The following CNIH1 variants were observed in gnomAD, a reference collection of about 807,000 sequenced individuals.
CNIH1 encodes cornichon family member 1.
CNIH1 carries 12 observed loss-of-function variants against 20.2 expected under a neutral mutation model. The observed-to-expected ratio is 0.59, with a 90% CI of 0.38 to 0.96. CNIH1 has a LOEUF of 0.96. CNIH1 is among the 40% of genes least tolerant of loss of function. The pLI, the probability that CNIH1 is intolerant of heterozygous loss-of-function variation, is 0.00. For synonymous variants in CNIH1, 69 were observed against 63.3 expected (o/e 1.09, Z -0.43); for missense variants, 152 against 178.8 (o/e 0.85, Z 0.85).
rs559991988 is a variant in CNIH1 at position 54,429,086 on chromosome 14, G to GTTTATTTTTTTT, written c.407+1174_407+1175insAAAAAAAATAAA. On this transcript the variant is annotated intron_variant, in intron 4 of 4. Transcript: ENST00000216416. ...GTATGTATTAATAAAAAATGAGAAAGTATTTTATATAAGTGATGTGTAAAA... is the reference window on the plus strand; with the variant it reads ...GTATGTATTAATAAAAAATGAGAAAGTTTATTTTTTTTTATTTTATATAAGTGATGTGTAAAA... Among the ~76,000 whole-genome samples the GTTTATTTTTTTT allele has an allele frequency of 1.8e-3, 271 of 152,256 alleles. 9 individuals are homozygous for GTTTATTTTTTTT. The South Asian group carries it at 0.054, about 30-fold the overall frequency.
chr14:54,437,707 G>A (rs1292627477), intron 1 of CNIH1, among the ~76,000 whole-genome samples: 1 of 151,752 alleles, frequency 6.6e-6, no homozygotes, highest in Non-Finnish European at 1.5e-5. Flanking sequence ...ACTCACCAGG[G>A]GGATTTCCCT....
At position 54,436,362 on chromosome 14, in the gene CNIH1, A is replaced by G. The variant is rs938483479; in HGVS notation, c.150+7T>C. ...AATCTAAAGATAAATCCTATATTAT[A>G]ACTTACGGGATTCAGGGTATTACAC... On this transcript the variant is annotated splice_region_variant and intron_variant, in intron 2 of 4. Transcript: ENST00000216416. 6.9e-7 allele frequency: 1 copy of G among 1,452,442 alleles called. No homozygotes were observed. 90.0% of individuals were successfully genotyped at this position (1,452,442 alleles called of 1,614,324 possible).
In CNIH1 at chr14:54,425,346, G is replaced by C. The variant is rs1002580705; in HGVS notation, c.*2468C>G. ...TTCCTAGAGCTAGAAAGCTTTTAAA[G>C]ATAAAGCACATAATACCAAAAGTAA... On this transcript the variant is annotated 3_prime_UTR_variant, in exon 5 of 5. Coordinates refer to ENST00000216416, the MANE Select transcript of CNIH1 (RefSeq NM_005776.3). The C allele has an allele frequency of 6.6e-6, 1 of 150,522 alleles. No homozygotes were observed. Among genetic ancestry groups the C allele is most frequent in the African/African-American group, 2.4e-5 (1 of 40,856 alleles). 9.3% of individuals were successfully genotyped at this position (150,522 alleles called of 1,614,324 possible).
In CNIH1 at chr14:54,426,535, GATTT is replaced by G. The variant is rs1347271100; in HGVS notation, c.*1275_*1278del. 1 of 151,918 alleles carries G rather than the reference GATTT, an allele frequency of 6.6e-6. No individual in the cohort carries two copies. Among genetic ancestry groups the G allele is most frequent in the African/African-American group, 2.4e-5 (1 of 41,336 alleles). The allele number at this position is 151,918 out of a possible 1,614,324, so 9.4% of individuals were successfully genotyped here. On this transcript the variant is annotated 3_prime_UTR_variant, in exon 5 of 5. Transcript: ENST00000216416. The stretch of plus-strand genomic sequence containing the variant: ...CTTCCTCATCCCAAATAAAGCACAA[GATTT>G]ATTTATGCTTATGAAAACATGCAAG...
At chr14:54,437,297 T>C (rs1048947486) in intron 1 of CNIH1, among the ~76,000 whole-genome samples, 6 of 152,226 alleles carry the variant, frequency 3.9e-5, no homozygotes, top group East Asian at 1.9e-4. Context: ...CAAACTAAGC[T>C]ACCCTTCCCT....
At chr14:54,428,122 CAA>C (rs1300463750) in intron 4 of CNIH1, among the ~76,000 whole-genome samples, 2 of 152,100 alleles carry the variant, frequency 1.3e-5, no homozygotes, top group African/African-American at 4.8e-5. Flanking sequence ...AGAAGCCATC[CAA>C]ACATCACACA....
Position 54,441,108 on chromosome 14 carries a change from C to A in CNIH1, c.81+139G>T, listed in dbSNP as rs2031164145. 5.5e-6 allele frequency: 5 copies of A among 915,398 alleles called. No homozygotes were observed. In the East Asian group the frequency reaches 2.3e-4, roughly 43 times the overall value. 56.7% of individuals were successfully genotyped at this position (915,398 alleles called of 1,614,324 possible). A position where few individuals can be genotyped will look rare whatever the true frequency, so the allele number is the denominator to read the frequency against. ...CAGTACCCGCGGCCCCCAGACCCCT[C>A]GCCGCGCGGCCCGTGCCAGCCGGGC... is the stretch of plus-strand genomic sequence containing the variant. On this transcript the variant is annotated intron_variant, in intron 1 of 4. Transcript: ENST00000216416.
intron 4 of CNIH1, among the ~76,000 whole-genome samples, chr14:54,429,645 G>C (rs1335585984): frequency 6.6e-6 from 1 of 152,282 alleles, no homozygotes; most frequent in Non-Finnish European, 1.5e-5. Context: ...TGTAATCCCA[G>C]CTACTCAGGA....
intron 2 of CNIH1, among the ~76,000 whole-genome samples, chr14:54,433,190 C>A (rs2030983922): frequency 6.6e-6 from 1 of 152,136 alleles, no homozygotes; most frequent in Admixed American, 6.6e-5. Context: ...TCCTGTAAGT[C>A]ACAGCTACAA....
intron 2 of CNIH1, among the ~76,000 whole-genome samples, chr14:54,432,880 C>T (rs2030977348): frequency 6.6e-6 from 1 of 152,112 alleles, no homozygotes; most frequent in South Asian, 2.1e-4. Flanking sequence ...TAAGATTTTC[C>T]AGGTTCCCAA....
In CNIH1 at chr14:54,430,483, C is replaced by T. The variant is rs2030912375; in HGVS notation, c.264-79G>A. On this transcript the variant is annotated intron_variant, in intron 3 of 4. Coordinates refer to ENST00000216416, the MANE Select transcript of CNIH1 (RefSeq NM_005776.3). ...AAGAAAGCAGGTCTTTCTTCTAAAACATCTGTTACGAGAGGTGGTCCATAA... is the reference window on the plus strand; with the variant it reads ...AAGAAAGCAGGTCTTTCTTCTAAAATATCTGTTACGAGAGGTGGTCCATAA... The T allele has an allele frequency of 4.3e-6, 6 of 1,388,304 alleles. No homozygotes were observed. In the East Asian group the frequency reaches 1.4e-4, roughly 32 times the overall value. The allele number at this position is 1,388,304 out of a possible 1,614,324, so 86.0% of individuals were successfully genotyped here. A position where few individuals can be genotyped will look rare whatever the true frequency, so the allele number is the denominator to read the frequency against.
At chr14:54,434,799 A>T (rs1255644416) in intron 2 of CNIH1, among the ~76,000 whole-genome samples, 1 of 152,206 alleles carries the variant, frequency 6.6e-6, no homozygotes, top group Non-Finnish European at 1.5e-5. Context: ...AAGATGTTTT[A>T]AAATTAACAC....
intron 1 of CNIH1, among the ~76,000 whole-genome samples, chr14:54,437,695 G>C (rs2031082520): frequency 6.6e-6 from 1 of 150,614 alleles, no homozygotes; most frequent in Non-Finnish European, 1.5e-5. Flanking sequence ...AAAAAATGCA[G>C]AACTCACCAG....
Position 54,432,157 on chromosome 14 carries a change from A to T in CNIH1, c.214T>A (p.Trp72Arg). The T allele has an allele frequency of 6.4e-7, 1 of 1,571,104 alleles. No individual in the cohort carries two copies. The highest frequency in any genetic ancestry group is 8.6e-7 in the Non-Finnish European group (1 of 1,157,238). ...GGCATATTGAGACCCAGTGTAAGCC[A>T]CTCTGCTGCACAAAGAAACATGACA... is the stretch of plus-strand genomic sequence containing the variant. ...FCVMFLCAAEWLTLGLNMPLL... is the reference protein window; with the variant it reads ...FCVMFLCAAERLTLGLNMPLL... Residue 72 changes from tryptophan (W) to arginine (R), a missense_variant, in exon 3 of 5, where the codon TGG (tryptophan) becomes AGG (arginine). This residue lies in a region of CNIH1 where 97 missense variants were observed against 100.6 expected (regional missense o/e 0.96). Transcript: ENST00000216416.
Position 54,441,341 on chromosome 14 carries a change from G to C in CNIH1, c.-14C>G. On this transcript the variant is annotated 5_prime_UTR_variant, in exon 1 of 5. Transcript: ENST00000216416. Reference sequence around the variant, plus strand: ...CGTGAACGCCATGGCTGGGGAGGAGGAGCGGGGAGCGGCGCCGTTGCCAGC... The same window carrying C: ...CGTGAACGCCATGGCTGGGGAGGAGCAGCGGGGAGCGGCGCCGTTGCCAGC... 6.7e-7 allele frequency: 1 copy of C among 1,491,292 alleles called. No homozygotes were observed. The highest frequency in any genetic ancestry group is 9.0e-7 in the Non-Finnish European group (1 of 1,112,066). The allele number at this position is 1,491,292 out of a possible 1,614,324, so 92.4% of individuals were successfully genotyped here.
intron 1 of CNIH1, among the ~76,000 whole-genome samples, chr14:54,438,253 T>G (rs1172976049): frequency 2.6e-5 from 4 of 152,212 alleles, no homozygotes. Flanking sequence ...GTGCTGGGAT[T>G]ACAGGAATGA....
chr14:54,441,069 C>A (rs1026771559), intron 1 of CNIH1, among the ~76,000 whole-genome samples, 178 bp downstream of exon 1: 116 of 151,776 alleles, frequency 7.6e-4, no homozygotes, highest in African/African-American at 2.6e-3. Context: ...GGCGACTGCG[C>A]GCCCCGGCTC....
In CNIH1 at chr14:54,429,863, A is replaced by G. The variant is rs2030899301; in HGVS notation, c.407+398T>C. Among the ~76,000 whole-genome samples the G allele has an allele frequency of 2.6e-5, 4 of 152,354 alleles. No individual in the cohort carries two copies. In the Middle Eastern group the frequency reaches 0.01, roughly 389 times the overall value. On this transcript the variant is annotated intron_variant, in intron 4 of 4. Coordinates refer to ENST00000216416, the MANE Select transcript of CNIH1 (RefSeq NM_005776.3). Reference sequence around the variant, plus strand: ...AATCAGAAAATAAAGGGCAGAGCACACCACTTATGAAGAATGATAAGGAAA... The same window carrying G: ...AATCAGAAAATAAAGGGCAGAGCACGCCACTTATGAAGAATGATAAGGAAA...
At position 54,427,663 on chromosome 14, in the gene CNIH1, T is replaced by C. The variant is rs8016671; in HGVS notation, c.*151A>G. On this transcript the variant is annotated 3_prime_UTR_variant, in exon 5 of 5. Transcript: ENST00000216416. Reference sequence around the variant, plus strand: ...AAAACAGTCTTTCCACAAGCAAAAATGTGGAAACATTTAAAAAATAAGGAG... The same window carrying C: ...AAAACAGTCTTTCCACAAGCAAAAACGTGGAAACATTTAAAAAATAAGGAG... 6.3e-4 allele frequency: 475 copies of C among 752,654 alleles called. 5 individuals are homozygous for C. In the African/African-American group the frequency reaches 7.8e-3, roughly 12 times the overall value. The allele number at this position is 752,654 out of a possible 1,614,324, so 46.6% of individuals were successfully genotyped here. A position where few individuals can be genotyped will look rare whatever the true frequency, so the allele number is the denominator to read the frequency against.
Sources: gnomAD v4.1 joint callset for allele counts (sites outside exome capture counted in the v4.1 genomes callset) on GRCh38, gnomAD v4.1.1 for gene constraint, gnomAD v4.1.1 regional missense constraint, MANE v1.5 for transcripts, NCBI Gene and HGNC (gene_info 2026-07-23, HGNC 2026-07-21) for gene names.